The following SLC26A2 variants were observed in gnomAD, a reference collection of about 807,000 sequenced individuals.
SLC26A2 encodes the protein solute carrier family 26 member 2, also known as sulfate transporter.
Under a neutral mutation model 41.1 loss-of-function variants are expected in SLC26A2, and 36 were observed. The observed-to-expected ratio is 0.88, with a 90% CI of 0.67 to 1.16. SLC26A2 has a LOEUF of 1.16. Ranked by LOEUF, SLC26A2 falls within the 50% of genes most tolerant of loss-of-function variation. The pLI is 0.00. For synonymous variants in SLC26A2, 291 were observed against 311.6 expected (o/e 0.93, Z 0.70); for missense variants, 796 against 869.6 (o/e 0.92, Z 1.07).
At position 149,980,494 on chromosome 5, in the gene SLC26A2, A is replaced by C. The variant is rs765607562; in HGVS notation, c.901A>C (p.Asn301His). 1.9e-6 allele frequency: 3 copies of C among 1,614,172 alleles called. No individual in the cohort carries two copies. The highest frequency in any genetic ancestry group is 2.5e-6 in the Non-Finnish European group (3 of 1,179,994). The change falls in exon 3 of 3, where the codon AAT (asparagine) becomes CAT (histidine). Residue 301 changes from asparagine to histidine, a missense_variant. Physicochemically the swap from Asn to His is moderately conservative, Grantham distance 68. Coordinates refer to ENST00000286298, the MANE Select transcript of SLC26A2 (RefSeq NM_000112.4). ...IHVFRNIHKTNLCDLITSLLC... is the reference protein window; with the variant it reads ...IHVFRNIHKTHLCDLITSLLC... ...TGTCTTCAGAAACATCCATAAGACC[A>C]ATCTCTGTGATCTTATCACCAGCCT...
chr5:149,964,437 A>G (rs1375881148), intron 1 of SLC26A2, among the ~76,000 whole-genome samples: 1 of 152,172 alleles, frequency 6.6e-6, no homozygotes, highest in Non-Finnish European at 1.5e-5. Flanking sequence ...AGATCATGCC[A>G]CTGCACTCCA....
intron 1 of SLC26A2, 96 bp from the exon 2 acceptor site, chr5:149,977,532 C>T: frequency 1.3e-6 from 1 of 750,710 alleles, no homozygotes; most frequent in Non-Finnish European, 2.4e-6. Context: ...AAACTGAATT[C>T]CTTTTAACTC....
At chr5:149,975,294 T>G (rs893217740) in intron 1 of SLC26A2, among the ~76,000 whole-genome samples, 9 of 152,214 alleles carry the variant, frequency 5.9e-5, no homozygotes, top group African/African-American at 2.2e-4. Flanking sequence ...TACTGTGTTT[T>G]TCACTTTTAG....
Position 149,980,846 on chromosome 5 carries a change from T to G in SLC26A2, c.1253T>G (p.Met418Arg), listed in dbSNP as rs1287351968. 2 of 1,614,118 alleles carry G rather than the reference T, an allele frequency of 1.2e-6. No homozygotes were observed. The highest frequency in any genetic ancestry group is 2.2e-5 in the East Asian group (1 of 44,886). The change falls in exon 3 of 3, where the codon ATG (methionine) becomes AGG (arginine). Residue 418 changes from methionine to arginine, a missense_variant. By Grantham distance (91) the Met-to-Arg change is moderately conservative. Transcript: ENST00000286298. ...TACACAGTCAAAGCAAACCAGGAAATGTATGCCATTGGCTTTTGTAATATC... is the reference window on the plus strand; with the variant it reads ...TACACAGTCAAAGCAAACCAGGAAAGGTATGCCATTGGCTTTTGTAATATC... ...HGYTVKANQE[M>R]YAIGFCNIIP...
chr5:149,979,459 T>C (rs1581231296), intron 2 of SLC26A2, among the ~76,000 whole-genome samples: 1 of 152,136 alleles, frequency 6.6e-6, no homozygotes, highest in Non-Finnish European at 1.5e-5. Flanking sequence ...GGTCTCTCTA[T>C]GACCAAACTC....
Position 149,971,116 on chromosome 5 carries a change from G to T in SLC26A2, c.-25-6512G>T, listed in dbSNP as rs1018453226. 2.6e-5 allele frequency among the ~76,000 whole-genome samples: 4 copies of T among 152,224 alleles called. No homozygotes were observed. The East Asian group carries it at 7.7e-4, about 29-fold the overall frequency. ...AGATGGATCTGAGTTTTCCTCTGATGAGTTGTTGTCTTTTCCTCCAAAGGA... is the reference window on the plus strand; with the variant it reads ...AGATGGATCTGAGTTTTCCTCTGATTAGTTGTTGTCTTTTCCTCCAAAGGA... On this transcript the variant is annotated intron_variant, in intron 1 of 2. Transcript: ENST00000286298.
intron 1 of SLC26A2, among the ~76,000 whole-genome samples, chr5:149,970,684 G>GGGA (rs1754886327): frequency 6.6e-6 from 1 of 152,184 alleles, no homozygotes; most frequent in African/African-American, 2.4e-5. Context: ...AGGGCAAAAA[G>GGGA]GGAGGCAGTG....
intron 1 of SLC26A2, among the ~76,000 whole-genome samples, chr5:149,967,044 A>G (rs1754816900): frequency 6.6e-6 from 1 of 152,188 alleles, no homozygotes; most frequent in Middle Eastern, 3.2e-3. Context: ...TGTGTCCATA[A>G]TACCAGCTAA....
rs936243948 is a variant in SLC26A2, at chr5:149,983,210, T to C, written c.*1397T>C. On this transcript the variant is annotated 3_prime_UTR_variant, in exon 3 of 3. Coordinates refer to ENST00000286298, the MANE Select transcript of SLC26A2 (RefSeq NM_000112.4). The stretch of plus-strand genomic sequence containing the variant: ...ATATTTAAAATGCATATATATTTTA[T>C]TATATCTATATTATCCTATATAGAT... The C allele has an allele frequency of 6.6e-6, 1 of 151,950 alleles. No homozygotes were observed. Among genetic ancestry groups the C allele is most frequent in the African/African-American group, 2.4e-5 (1 of 41,408 alleles). 9.4% of individuals were successfully genotyped at this position (151,950 alleles called of 1,614,324 possible).
At chr5:149,973,668 C>T (rs1258702701) in intron 1 of SLC26A2, among the ~76,000 whole-genome samples, 1 of 151,928 alleles carries the variant, frequency 6.6e-6, no homozygotes, top group East Asian at 1.9e-4. Context: ...AGAGTCTCTC[C>T]CTGTCACCCA....
At position 149,970,951 on chromosome 5, in the gene SLC26A2, AAT is replaced by A. The variant is rs1754889633; in HGVS notation, c.-25-6674_-25-6673del. On this transcript the variant is annotated intron_variant, in intron 1 of 2. Coordinates refer to ENST00000286298, the MANE Select transcript of SLC26A2 (RefSeq NM_000112.4). ...TGGTTAGCTTATAGTAGGAGCTTAA[AAT>A]ATGTGTGTAATTTAATGAAGACCAG... 2.0e-5 allele frequency among the ~76,000 whole-genome samples: 3 copies of A among 152,310 alleles called. No individual in the cohort carries two copies. The South Asian group carries it at 6.2e-4, about 32-fold the overall frequency.
At position 149,981,058 on chromosome 5, in the gene SLC26A2, G is replaced by A; in HGVS notation, c.1465G>A (p.Val489Ile). The change falls in exon 3 of 3, where the codon GTA (valine) becomes ATA (isoleucine). Residue 489 changes from valine (V) to isoleucine (I), a missense_variant. By Grantham distance (29) the Val-to-Ile change is conservative (BLOSUM62 3). Transcript: ENST00000286298. ...AAGTGTCCTTGGTGTGATCACAATT[G>A]TAAATCTACGGGGAGCCCTTCGTAA... ...QKSVLGVITI[V>I]NLRGALRKFR... is the part of the protein sequence containing the mutation. The A allele has an allele frequency of 6.2e-7, 1 of 1,614,144 alleles. No homozygotes were observed. The highest frequency in any genetic ancestry group is 1.1e-5 in the South Asian group (1 of 91,074).
intron 2 of SLC26A2, among the ~76,000 whole-genome samples, chr5:149,978,715 A>G (rs1211187747): frequency 6.6e-6 from 1 of 151,200 alleles, no homozygotes; most frequent in Non-Finnish European, 1.5e-5. Flanking sequence ...TTCTGGAGAC[A>G]GGGTCTCACT....
chr5:149,970,014 C>T (rs1188091481), intron 1 of SLC26A2, among the ~76,000 whole-genome samples: 1 of 152,148 alleles, frequency 6.6e-6, no homozygotes, highest in Non-Finnish European at 1.5e-5. Context: ...ACTGTATGTG[C>T]TAAGCATCGT....
In SLC26A2 at chr5:149,987,114, A is replaced by G. The variant is rs1755211934; in HGVS notation, c.*5301A>G. 1 of 152,152 alleles carries G rather than the reference A, an allele frequency of 6.6e-6. No homozygotes were observed. Among genetic ancestry groups the G allele is most frequent in the African/African-American group, 2.4e-5 (1 of 41,440 alleles). 9.4% of individuals were successfully genotyped at this position (152,152 alleles called of 1,614,324 possible). A position where few individuals can be genotyped will look rare whatever the true frequency, so the allele number is the denominator to read the frequency against. ...TATACTGCCTGTTTTTTCTTTAATT[A>G]TTCAAGGTTGATGACTTTTAGGAAC... On this transcript the variant is annotated 3_prime_UTR_variant, in exon 3 of 3. Coordinates refer to ENST00000286298, the MANE Select transcript of SLC26A2 (RefSeq NM_000112.4).
Position 149,981,514 on chromosome 5 carries a change from C to T in SLC26A2, c.1921C>T (p.His641Tyr). The stretch of plus-strand genomic sequence containing the variant: ...GGATGAAATGTCAGTGCAACTTTCC[C>T]ATGATCCCTTGGAGCTGCATACTAT... Reference protein sequence around the residue: ...IQDEMSVQLSHDPLELHTIVI... With the variant: ...IQDEMSVQLSYDPLELHTIVI... Residue 641 changes from histidine to tyrosine, a missense_variant, in exon 3 of 3, where the codon CAT becomes TAT. His to Tyr is a moderately conservative substitution (Grantham distance 83, BLOSUM62 2). Transcript: ENST00000286298. The T allele has an allele frequency of 6.2e-7, 1 of 1,614,078 alleles. No homozygotes were observed. The highest frequency in any genetic ancestry group is 8.5e-7 in the Non-Finnish European group (1 of 1,179,994).
chr5:149,974,961 G>A (rs984622185), intron 1 of SLC26A2, among the ~76,000 whole-genome samples: 1 of 152,042 alleles, frequency 6.6e-6, no homozygotes, highest in East Asian at 1.9e-4. Flanking sequence ...CTGGCCTCAG[G>A]TTACTTGGAT....
intron 1 of SLC26A2, among the ~76,000 whole-genome samples, chr5:149,971,194 G>A (rs1048896826): frequency 6.6e-6 from 1 of 152,210 alleles, no homozygotes; most frequent in African/African-American, 2.4e-5. Flanking sequence ...GGCCTGGAAA[G>A]TAGCCTGTGC....
At chr5:149,963,539 A>G (rs972422592) in intron 1 of SLC26A2, among the ~76,000 whole-genome samples, 8 of 151,482 alleles carry the variant, frequency 5.3e-5, no homozygotes, top group Non-Finnish European at 1.0e-4. Flanking sequence ...CGCCTCCCAA[A>G]GTACTGGGAT....
Sources: allele counts gnomAD v4.1 joint callset (sites outside exome capture counted in the v4.1 genomes callset), GRCh38; gene constraint gnomAD v4.1.1; transcripts MANE v1.5; gene names NCBI Gene and HGNC (gene_info 2026-07-23, HGNC 2026-07-21).